Variants in CMIP observed in about 807,000 individuals in gnomAD.
The protein encoded by CMIP is c-Maf inducing protein.
CMIP carries 13 observed loss-of-function variants against 97.3 expected under a neutral mutation model. That is an observed-to-expected ratio of 0.13 (90% CI 0.09 to 0.21). The LOEUF (loss-of-function observed/expected upper bound fraction) is 0.21, where lower values mean the gene tolerates loss of function less well. CMIP is among the 10% of genes least tolerant of loss of function. The probability of loss-of-function intolerance (pLI) is 1.00; values close to 1 mark genes in which losing one functional copy is unlikely to be tolerated. For missense variants in CMIP, 847 were observed against 1,024.9 expected (o/e 0.83, Z 2.37); for synonymous variants, 538 against 436.3 (o/e 1.23, Z -2.91).
chr16:81,645,493 G>C, intron 3 of CMIP: 1 of 1,534,922 alleles, frequency 6.5e-7, no homozygotes, highest in Admixed American at 2.0e-5. Context: ...CTGACGACTT[G>C]TCTCCCGTGG....
At chr16:81,654,448 T>C (rs890928945) in intron 4 of CMIP, among the ~76,000 whole-genome samples, 7 of 152,132 alleles carry the variant, frequency 4.6e-5, no homozygotes, top group African/African-American at 1.7e-4. Context: ...AGTGCTAGGA[T>C]GGAGGAATAA....
chr16:81,448,155 ATAGAGTCATATCCTTACTTG>A (rs1905979125), intron 1 of CMIP, among the ~76,000 whole-genome samples: 1 of 152,178 alleles, frequency 6.6e-6, no homozygotes, highest in Non-Finnish European at 1.5e-5. Flanking sequence ...TATGTTTCCT[ATAGAGTCATATCCTTACTTG>A]AAATATCAGT....
At chr16:81,544,525 C>G (rs1290979040) in intron 1 of CMIP, among the ~76,000 whole-genome samples, 1 of 151,392 alleles carries the variant, frequency 6.6e-6, no homozygotes, top group African/African-American at 2.4e-5. Context: ...CTCTGTGTGG[C>G]TCTCAGGCCA....
intron 3 of CMIP, among the ~76,000 whole-genome samples, chr16:81,623,284 C>T (rs1478479967): frequency 1.3e-5 from 2 of 152,230 alleles, no homozygotes; most frequent in African/African-American, 4.8e-5. Flanking sequence ...CACTGTGTTT[C>T]TAGCAGCTCT....
In CMIP at chr16:81,614,970, A is replaced by G. The variant is rs2091890424; in HGVS notation, c.427-5906A>G. Reference sequence around the variant, plus strand: ...GTGCATGTGTGTGGTGTGTTGTGTGATATGTGACGTGTGTGTGTGGTGTAT... The same window carrying G: ...GTGCATGTGTGTGGTGTGTTGTGTGGTATGTGACGTGTGTGTGTGGTGTAT... On this transcript the variant is annotated intron_variant, in intron 2 of 20. Coordinates refer to ENST00000537098, the MANE Select transcript of CMIP (RefSeq NM_198390.3). The surrounding 1 kb of genome is among the most constrained non-coding windows in gnomAD (Gnocchi z 5.3). 7.1e-6 allele frequency among the ~76,000 whole-genome samples: 1 copy of G among 140,240 alleles called. No individual in the cohort carries two copies. The highest frequency in any genetic ancestry group is 2.7e-5 in the African/African-American group (1 of 36,996). The allele number at this position is 140,240 out of a possible 152,430, so 92.0% of individuals were successfully genotyped here.
chr16:81,446,046 T>G (rs1315660935), intron 1 of CMIP, among the ~76,000 whole-genome samples: 1 of 152,046 alleles, frequency 6.6e-6, no homozygotes, highest in Non-Finnish European at 1.5e-5. Flanking sequence ...TCTGTTTGGT[T>G]TACCCGTCCT....
intron 18 of CMIP, among the ~76,000 whole-genome samples, chr16:81,704,943 GC>G (rs201830459): frequency 6.6e-6 from 1 of 151,768 alleles, no homozygotes; most frequent in Non-Finnish European, 1.5e-5. Context: ...TCGCTGGCCT[GC>G]GGGGGGCTGC....
chr16:81,522,886 A>C (rs555005776), intron 1 of CMIP, among the ~76,000 whole-genome samples: 1 of 152,156 alleles, frequency 6.6e-6, no homozygotes, highest in African/African-American at 2.4e-5. Context: ...ACACACACAC[A>C]CACATAATCA....
intron 15 of CMIP, among the ~76,000 whole-genome samples, 186 bp downstream of exon 15, chr16:81,699,987 G>A (rs1169063355): frequency 6.6e-6 from 1 of 152,166 alleles, no homozygotes; most frequent in African/African-American, 2.4e-5. Flanking sequence ...ATTTGTTTCT[G>A]TTGTGATCCA....
intron 2 of CMIP, among the ~76,000 whole-genome samples, chr16:81,615,673 T>C (rs989256189): frequency 6.6e-6 from 1 of 150,614 alleles, no homozygotes; most frequent in African/African-American, 2.4e-5. Flanking sequence ...TGTATGTGTC[T>C]GTGTGTGTGG....
At chr16:81,476,450 G>T in intron 1 of CMIP, 5 of 896,746 alleles carry the variant, frequency 5.6e-6, no homozygotes, top group Non-Finnish European at 9.3e-6. Context: ...TTTGCAAACA[G>T]CTCGAAGGAG....
intron 1 of CMIP, among the ~76,000 whole-genome samples, chr16:81,558,719 C>T (rs1567578608): frequency 6.6e-6 from 1 of 152,184 alleles, no homozygotes; most frequent in African/African-American, 2.4e-5. Flanking sequence ...GCTGCGGCAG[C>T]TGTGAGTATT....
chr16:81,536,226 G>T (rs926799249), intron 1 of CMIP, among the ~76,000 whole-genome samples: 3 of 152,162 alleles, frequency 2.0e-5, no homozygotes, highest in Non-Finnish European at 4.4e-5. Flanking sequence ...AGCTTGCTGA[G>T]GGTGACCTGG....
intron 1 of CMIP, among the ~76,000 whole-genome samples, chr16:81,537,620 C>T (rs528660321): frequency 1.3e-5 from 2 of 148,634 alleles, no homozygotes; most frequent in East Asian, 4.0e-4. Flanking sequence ...AACCCCAGCA[C>T]TTTGAGAAGC....
At chr16:81,457,921 C>T (rs1270497121) in intron 1 of CMIP, among the ~76,000 whole-genome samples, 1 of 152,236 alleles carries the variant, frequency 6.6e-6, no homozygotes, top group East Asian at 1.9e-4. Flanking sequence ...GCAAGCTCCC[C>T]CCTACCTTTG....
In CMIP at chr16:81,674,421, G is replaced by A. The variant is rs763936148; in HGVS notation, c.1034+2351G>A. ...GCTGGGATTACAGGCGTGAGCCACC[G>A]CGCCTGGCTTACAGTATTTAAGTTA... On this transcript the variant is annotated intron_variant, in intron 9 of 20. Coordinates refer to ENST00000537098, the MANE Select transcript of CMIP (RefSeq NM_198390.3). 9.4e-4 allele frequency among the ~76,000 whole-genome samples: 143 copies of A among 151,560 alleles called. 1 individual carries two copies. Among genetic ancestry groups the A allele is most frequent in the Non-Finnish European group, 6.3e-4 (43 of 67,792 alleles).
chr16:81,686,003 G>C lies in CMIP; in HGVS notation c.1389-5772G>C, dbSNP rs73600464. On this transcript the variant is annotated intron_variant, in intron 10 of 20. Coordinates refer to ENST00000537098, the MANE Select transcript of CMIP (RefSeq NM_198390.3). ...CAGGTTCAGATCCCAGCTCTCACCA[G>C]CTGTGTGGCCTGGGGCCAGGGCAGC... Among the ~76,000 whole-genome samples the C allele has an allele frequency of 2.7e-3, 412 of 152,318 alleles. 5 individuals carry two copies. Among genetic ancestry groups the C allele is most frequent in the African/African-American group, 9.0e-3 (373 of 41,574 alleles).
Position 81,710,080 on chromosome 16 carries a change from G to T in CMIP, c.*281G>T, listed in dbSNP as rs569876803. ...CATCAGCGGGTCGGGGAGGGGTTTGGGGGTGGGCTGGGGGGTGGGGGACCC... is the reference window on the plus strand; with the variant it reads ...CATCAGCGGGTCGGGGAGGGGTTTGTGGGTGGGCTGGGGGGTGGGGGACCC... On this transcript the variant is annotated 3_prime_UTR_variant, in exon 21 of 21. Coordinates refer to ENST00000537098, the MANE Select transcript of CMIP (RefSeq NM_198390.3). 1 of 344,916 alleles carries T rather than the reference G, an allele frequency of 2.9e-6. No homozygotes were observed. The highest frequency in any genetic ancestry group is 5.3e-6 in the Non-Finnish European group (1 of 188,164). The allele number at this position is 344,916 out of a possible 1,614,324, so 21.4% of individuals were successfully genotyped here.
At chr16:81,537,474 G>T (rs1053773254) in intron 1 of CMIP, among the ~76,000 whole-genome samples, 3 of 144,678 alleles carry the variant, frequency 2.1e-5, no homozygotes, top group Non-Finnish European at 4.5e-5. Context: ...GGCAGAGGTC[G>T]CTCTGAGCCA....
Sources: allele counts gnomAD v4.1 joint callset (sites outside exome capture counted in the v4.1 genomes callset), GRCh38; gene constraint gnomAD v4.1.1; non-coding constraint Gnocchi (gnomAD v3.1); transcripts MANE v1.5; gene names NCBI Gene and HGNC (gene_info 2026-07-23, HGNC 2026-07-21).